The following CDH11 variants were observed in gnomAD, a reference collection of about 807,000 sequenced individuals.
CDH11 encodes the protein cadherin 11.
Under a neutral mutation model 67.8 loss-of-function variants are expected in CDH11, and 11 were observed. The ratio of observed to expected loss-of-function variants is 0.16; its 90% CI spans 0.10 to 0.27. The LOEUF is 0.27. Ranked by LOEUF, CDH11 falls within the 10% of genes least tolerant of loss-of-function variation. CDH11 has a pLI of 1.00. For missense variants in CDH11, 847 were observed against 1,031.2 expected, an observed-to-expected ratio of 0.82 and a Z score of 2.45; for synonymous variants, 419 against 400.0, an observed-to-expected ratio of 1.05 and a Z score of -0.57.
chr16:65,041,621 T>C (rs1407239370), intron 2 of CDH11, among the ~76,000 whole-genome samples: 2 of 152,252 alleles, frequency 1.3e-5, no homozygotes, highest in South Asian at 2.1e-4. Flanking sequence ...CAAAAATTCA[T>C]ACTAACAGGC....
intron 1 of CDH11, chr16:65,119,026 C>A (rs1188824220): frequency 6.6e-6 from 1 of 152,144 alleles, no homozygotes; most frequent in Non-Finnish European, 1.5e-5. Flanking sequence ...CAGGCATTCA[C>A]AGGCAAGGTT....
intron 1 of CDH11, among the ~76,000 whole-genome samples, chr16:65,105,977 G>A (rs1262785144): frequency 1.3e-5 from 2 of 152,154 alleles, no homozygotes; most frequent in Admixed American, 1.3e-4. Flanking sequence ...TTCCTTGGAG[G>A]ACAGGTTTGG....
intron 8 of CDH11, among the ~76,000 whole-genome samples, chr16:64,977,107 G>A (rs1303415025): frequency 6.6e-6 from 1 of 152,062 alleles, no homozygotes; most frequent in Non-Finnish European, 1.5e-5. Flanking sequence ...GCTGATGTGG[G>A]AGGTTCACCT....
chr16:65,109,219 G>C (rs574567303), intron 1 of CDH11, among the ~76,000 whole-genome samples: 1 of 152,300 alleles, frequency 6.6e-6, no homozygotes, highest in East Asian at 1.9e-4. Flanking sequence ...TTAAATTTGG[G>C]CAAGGAGCTG....
At chr16:65,038,444 G>C (rs565946419) in intron 2 of CDH11, among the ~76,000 whole-genome samples, 5 of 152,194 alleles carry the variant, frequency 3.3e-5, no homozygotes, top group South Asian at 4.1e-4. Flanking sequence ...GACATCAAAA[G>C]CTCTCTCATT....
intron 1 of CDH11, among the ~76,000 whole-genome samples, chr16:65,112,745 A>T (rs1025685889): frequency 9.9e-5 from 15 of 152,204 alleles, no homozygotes; most frequent in African/African-American, 3.6e-4. Context: ...AGGTGACTAT[A>T]AAGTAGGACA....
At chr16:65,073,653 GC>G (rs1330890074) in intron 1 of CDH11, among the ~76,000 whole-genome samples, 1 of 152,016 alleles carries the variant, frequency 6.6e-6, no homozygotes, top group Non-Finnish European at 1.5e-5. Flanking sequence ...TGGACCCTGG[GC>G]CAGTGACTCA....
At chr16:65,033,766 A>ATAAAG (rs2073695932) in intron 2 of CDH11, among the ~76,000 whole-genome samples, 1 of 151,844 alleles carries the variant, frequency 6.6e-6, no homozygotes, top group Non-Finnish European at 1.5e-5. Context: ...ATAAAATAAA[A>ATAAAG]TAGTTTAGCA....
Position 64,947,525 on chromosome 16 carries a change from A to T in CDH11, c.*78T>A. On this transcript the variant is annotated 3_prime_UTR_variant, in exon 13 of 13. Transcript: ENST00000268603. ...TAAATGAGCCTTTCCTTGATTTAAAAAAATACCTGTTTACACATCTTCTAG... is the reference window on the plus strand; with the variant it reads ...TAAATGAGCCTTTCCTTGATTTAAATAAATACCTGTTTACACATCTTCTAG... The T allele has an allele frequency of 6.6e-7, 1 of 1,519,286 alleles. No individual in the cohort carries two copies. The highest frequency in any genetic ancestry group is 8.8e-7 in the Non-Finnish European group (1 of 1,137,012). The allele number at this position is 1,519,286 out of a possible 1,614,324, so 94.1% of individuals were successfully genotyped here.
rs567074640 is a variant in CDH11, at chr16:65,112,097, G to T, written c.-298+9783C>A. Among the ~76,000 whole-genome samples, 5 of 150,748 alleles carry T rather than the reference G, an allele frequency of 3.3e-5. No individual in the cohort carries two copies. The South Asian group carries it at 1.0e-3, about 32-fold the overall frequency. Reference sequence around the variant, plus strand: ...AAAAAAAAAAAAAAAAAGAATAAGTGCAATGTGGAGGAAGAATTACATCTA... The same window carrying T: ...AAAAAAAAAAAAAAAAAGAATAAGTTCAATGTGGAGGAAGAATTACATCTA... On this transcript the variant is annotated intron_variant, in intron 1 of 12. Coordinates refer to ENST00000268603, the MANE Select transcript of CDH11 (RefSeq NM_001797.4).
intron 10 of CDH11, 25 bp downstream of exon 10, chr16:64,971,906 C>A: frequency 6.2e-7 from 1 of 1,612,758 alleles, no homozygotes; most frequent in East Asian, 2.2e-5. Flanking sequence ...TTGTTCCTAG[C>A]CAAGAATAGG....
chr16:65,073,466 G>C (rs2074455049), intron 1 of CDH11, among the ~76,000 whole-genome samples: 1 of 152,166 alleles, frequency 6.6e-6, no homozygotes, highest in South Asian at 2.1e-4. Flanking sequence ...AATTTTAGTA[G>C]AGATGGGGTT....
chr16:65,004,900 CA>C lies in CDH11; in HGVS notation c.-32del, dbSNP rs2142529404. The C allele has an allele frequency of 6.8e-7, 1 of 1,477,688 alleles. No individual in the cohort carries two copies. The highest frequency in any genetic ancestry group is 1.4e-5 in the African/African-American group (1 of 71,150). 91.5% of individuals were successfully genotyped at this position (1,477,688 alleles called of 1,614,324 possible). A position where few individuals can be genotyped will look rare whatever the true frequency, so the allele number is the denominator to read the frequency against. On this transcript the variant is annotated 5_prime_UTR_variant, in exon 3 of 13. Transcript: ENST00000268603. Reference sequence around the variant, plus strand: ...GTTACGTGGTAGGCACAGGAGAATGCAGCTGTCACCCCTTCCACCAACTGTA... The same window carrying C: ...GTTACGTGGTAGGCACAGGAGAATGCGCTGTCACCCCTTCCACCAACTGTA...
intron 1 of CDH11, among the ~76,000 whole-genome samples, chr16:65,112,069 CA>C (rs35671651): frequency 2.0e-3 from 184 of 91,290 alleles, no homozygotes; most frequent in East Asian, 0.017. Flanking sequence ...GACTCTGTCT[CA>C]AAAAAAAAAA....
chr16:65,076,729 C>T (rs1050110369), intron 1 of CDH11, among the ~76,000 whole-genome samples: 1 of 124,662 alleles, frequency 8.0e-6, no homozygotes, highest in African/African-American at 2.9e-5. Flanking sequence ...CTCCCTGTGT[C>T]CATATGTTCT....
At chr16:64,953,917 G>A (rs1229019551) in intron 11 of CDH11, among the ~76,000 whole-genome samples, 1 of 152,144 alleles carries the variant, frequency 6.6e-6, no homozygotes, top group African/African-American at 2.4e-5. Flanking sequence ...GTCCTACTCT[G>A]TTACCCATAG....
At chr16:65,112,311 C>T (rs181006208) in intron 1 of CDH11, among the ~76,000 whole-genome samples, 2 of 152,054 alleles carry the variant, frequency 1.3e-5, no homozygotes, top group African/African-American at 4.8e-5. Flanking sequence ...GATTCAAGGA[C>T]CTGATGGCAG....
chr16:65,094,755 A>C (rs1407954557), intron 1 of CDH11: 1 of 152,186 alleles, frequency 6.6e-6, no homozygotes, highest in East Asian at 1.9e-4. Flanking sequence ...AGGGACTTAA[A>C]GGAGGAAATA....
chr16:64,998,093 C>T (rs1231825264), intron 4 of CDH11, among the ~76,000 whole-genome samples: 1 of 152,186 alleles, frequency 6.6e-6, no homozygotes, highest in Admixed American at 6.5e-5. Context: ...TACTTCTGAA[C>T]ATAGTGACAT....
Sources: allele counts gnomAD v4.1 joint callset (sites outside exome capture counted in the v4.1 genomes callset), GRCh38; gene constraint gnomAD v4.1.1; transcripts MANE v1.5; gene names NCBI Gene and HGNC (gene_info 2026-07-23, HGNC 2026-07-21).